Variants in AFG3L2 observed in about 807,000 individuals in gnomAD.
AFG3L2 encodes AFG3 like matrix AAA peptidase subunit 2.
In AFG3L2, 54 loss-of-function variants were observed where a neutral mutation model predicts 94.5. The ratio of observed to expected loss-of-function variants is 0.57; its 90% CI spans 0.46 to 0.72. AFG3L2 has a LOEUF of 0.72. Ranked by LOEUF, AFG3L2 falls within the 30% of genes least tolerant of loss-of-function variation. The probability of loss-of-function intolerance (pLI) is 0.00; values close to 1 mark genes in which losing one functional copy is unlikely to be tolerated. For synonymous variants in AFG3L2, 377 were observed against 365.5 expected, an observed-to-expected ratio of 1.03 and a Z score of -0.36; for missense variants, 754 against 994.9, an observed-to-expected ratio of 0.76 and a Z score of 3.26.
chr18:12,356,075 G>A (rs1172201365), intron 9 of AFG3L2, among the ~76,000 whole-genome samples: 1 of 147,982 alleles, frequency 6.8e-6, no homozygotes, highest in Non-Finnish European at 1.5e-5. Flanking sequence ...ACTTTACAGG[G>A]ATCAATTGTT....
chr18:12,372,625 T>G (rs565106650), intron 1 of AFG3L2, among the ~76,000 whole-genome samples: 42 of 152,228 alleles, frequency 2.8e-4, no homozygotes, highest in Admixed American at 8.5e-4. Flanking sequence ...AGTCAAAAAG[T>G]AGGAACAAGC....
At chr18:12,349,619 T>C (rs1333621417) in intron 12 of AFG3L2, among the ~76,000 whole-genome samples, 1 of 152,236 alleles carries the variant, frequency 6.6e-6, no homozygotes, top group Non-Finnish European at 1.5e-5. Context: ...ATCCTGTTCA[T>C]TATGTTAAGT....
chr18:12,362,584 C>CATAA (rs1402835086), intron 6 of AFG3L2, among the ~76,000 whole-genome samples: 1 of 152,144 alleles, frequency 6.6e-6, no homozygotes, highest in African/African-American at 2.4e-5. Context: ...AATTTCAACA[C>CATAA]ATAAATGCTT....
In AFG3L2 at chr18:12,357,230, A is replaced by G. The variant is rs550520061; in HGVS notation, c.1027-399T>C. On this transcript the variant is annotated intron_variant, in intron 8 of 16. Coordinates refer to ENST00000269143, the MANE Select transcript of AFG3L2 (RefSeq NM_006796.3). ...TAATTCTTTTACTCTTTACAAGTAA[A>G]ATTGGTTTTTGAGCTCAAATAATTA... Among the ~76,000 whole-genome samples the G allele has an allele frequency of 1.7e-4, 26 of 152,318 alleles. No homozygotes were observed. The South Asian group carries it at 5.2e-3, about 30-fold the overall frequency.
intron 4 of AFG3L2, 62 bp from the exon 5 acceptor site, chr18:12,367,179 G>C (rs759075370): frequency 3.6e-4 from 583 of 1,612,672 alleles, no homozygotes; most frequent in Non-Finnish European, 4.9e-4. Context: ...TCTATGCTCT[G>C]TGAGACACAA....
intron 6 of AFG3L2, among the ~76,000 whole-genome samples, chr18:12,363,529 C>T (rs1189205770): frequency 6.6e-6 from 1 of 152,128 alleles, no homozygotes; most frequent in African/African-American, 2.4e-5. Context: ...TGGGATTTCA[C>T]TCACTGTCTT....
intron 15 of AFG3L2, 46 bp from the exon 16 acceptor site, chr18:12,337,581 A>G (rs754917710): frequency 1.3e-6 from 2 of 1,592,804 alleles, no homozygotes; most frequent in Non-Finnish European, 1.7e-6. Flanking sequence ...TTGTTCTTTA[A>G]CCAGACAAAA....
chr18:12,360,359 T>G (rs778671580), intron 6 of AFG3L2: 1 of 327,948 alleles, frequency 3.0e-6, no homozygotes, highest in African/African-American at 2.2e-5. Flanking sequence ...TAAATATGCA[T>G]TATTTCCCTC....
At chr18:12,347,446 C>A (rs1437043131) in intron 13 of AFG3L2, among the ~76,000 whole-genome samples, 1 of 152,210 alleles carries the variant, frequency 6.6e-6, no homozygotes, top group African/African-American at 2.4e-5. Flanking sequence ...AATCAGAAGC[C>A]CTATGGAATG....
At chr18:12,371,728 C>A (rs1472906846) in intron 1 of AFG3L2, 37 bp from the exon 2 acceptor site, 1 of 1,569,026 alleles carries the variant, frequency 6.4e-7, no homozygotes, top group South Asian at 1.1e-5. Flanking sequence ...ATAGTTATAT[C>A]AAGATAAAAA....
intron 16 of AFG3L2, among the ~76,000 whole-genome samples, chr18:12,333,946 CTCTGT>C (rs1375570674): frequency 1.3e-5 from 2 of 152,162 alleles, no homozygotes; most frequent in Non-Finnish European, 2.9e-5. Context: ...CCTGACCTCT[CTCTGT>C]TAACAGCTTC....
chr18:12,351,766 C>T (rs1407486498), intron 10 of AFG3L2, among the ~76,000 whole-genome samples: 3 of 152,044 alleles, frequency 2.0e-5, no homozygotes, highest in Admixed American at 6.6e-5. Flanking sequence ...AGGCTGGTCT[C>T]GAACACCTAA....
chr18:12,352,532 C>G lies in AFG3L2; in HGVS notation c.1318+473G>C, dbSNP rs552324042. 4.6e-5 allele frequency among the ~76,000 whole-genome samples: 7 copies of G among 152,282 alleles called. No individual in the cohort carries two copies. The South Asian group carries it at 1.2e-3, about 27-fold the overall frequency. ...GTATTCAAAATTTGCTAAATTCACA[C>G]TTGGTTAGGCTTAGATTTTCCTTAT... is the stretch of plus-strand genomic sequence containing the variant. On this transcript the variant is annotated intron_variant, in intron 10 of 16. Coordinates refer to ENST00000269143, the MANE Select transcript of AFG3L2 (RefSeq NM_006796.3).
In AFG3L2 at chr18:12,353,031, AGT is replaced by A; in HGVS notation, c.1290_1291del (p.Leu431GlnfsTer11). The A allele has an allele frequency of 6.2e-7, 1 of 1,613,706 alleles. No individual in the cohort carries two copies. Among genetic ancestry groups the A allele is most frequent in the Non-Finnish European group, 8.5e-7 (1 of 1,179,964 alleles). ...ATCCATCTCCACCAGCAGCTGGTTG[AGT>A]GTGTTCTCCTGCTCACTCTGCCCTC... is the stretch of plus-strand genomic sequence containing the variant. On this transcript the variant is annotated frameshift_variant, in exon 10 of 17. Transcript: ENST00000269143. LOFTEE classifies it high-confidence loss of function.
chr18:12,340,488 C>A lies in AFG3L2; in HGVS notation c.1780-87G>T, dbSNP rs537085274. Reference sequence around the variant, plus strand: ...GTGTATAAACAGATAAACTCATTGACTAAAAATAAGCACAACAGCCGCACA... The same window carrying A: ...GTGTATAAACAGATAAACTCATTGAATAAAAATAAGCACAACAGCCGCACA... On this transcript the variant is annotated intron_variant, in intron 14 of 16. Transcript: ENST00000269143. 5.4e-6 allele frequency: 6 copies of A among 1,112,700 alleles called. No homozygotes were observed. The South Asian group carries it at 7.5e-5, about 14-fold the overall frequency. 68.9% of individuals were successfully genotyped at this position (1,112,700 alleles called of 1,614,324 possible).
intron 15 of AFG3L2, 38 bp from the exon 16 acceptor site, chr18:12,337,573 G>A (rs1377614619): frequency 4.4e-6 from 7 of 1,602,000 alleles, no homozygotes; most frequent in Non-Finnish European, 6.0e-6. Context: ...ACATATGATT[G>A]TTCTTTAACC....
Position 12,337,390 on chromosome 18 carries a change from T to C in AFG3L2, c.2126A>G (p.Tyr709Cys). The C allele has an allele frequency of 6.2e-7, 1 of 1,614,228 alleles. No individual in the cohort carries two copies. Among genetic ancestry groups the C allele is most frequent in the Non-Finnish European group, 8.5e-7 (1 of 1,180,014 alleles). ...DEVRILINDA[Y>C]KRTVALLTEK... Reference sequence around the variant, plus strand: ...TGTGAGAAGAGCTACTGTTCTTTTATAAGCATCATTAATAAGTATTCGTAC... The same window carrying C: ...TGTGAGAAGAGCTACTGTTCTTTTACAAGCATCATTAATAAGTATTCGTAC... Residue 709 changes from tyrosine to cysteine, a missense_variant, in exon 16 of 17, where the codon TAT (tyrosine) becomes TGT (cysteine). Tyr to Cys is a radical substitution (Grantham distance 194, BLOSUM62 -2). Around this residue, in one of 4 missense-constraint regions of AFG3L2, gnomAD observed 279 missense variants for 378.6 expected, o/e 0.74. Coordinates refer to ENST00000269143, the MANE Select transcript of AFG3L2 (RefSeq NM_006796.3).
intron 8 of AFG3L2, among the ~76,000 whole-genome samples, 170 bp downstream of exon 8, chr18:12,358,500 C>A (rs1908561228): frequency 1.3e-5 from 2 of 152,298 alleles, no homozygotes; most frequent in South Asian, 4.1e-4. Flanking sequence ...GACACATGCA[C>A]ACAGAACTGA....
At chr18:12,358,615 A>G (rs978445493) in intron 8 of AFG3L2, 55 bp downstream of exon 8, 3 of 1,561,620 alleles carry the variant, frequency 1.9e-6, no homozygotes, top group Admixed American at 3.6e-5. Context: ...TCACAGAATT[A>G]TAACTTCAGA....
Sources: gnomAD v4.1 joint callset for allele counts (sites outside exome capture counted in the v4.1 genomes callset) on GRCh38, gnomAD v4.1.1 for gene constraint, gnomAD v4.1.1 regional missense constraint, MANE v1.5 for transcripts, NCBI Gene and HGNC (gene_info 2026-07-23, HGNC 2026-07-21) for gene names.